Variants in GABRB1 observed in about 807,000 individuals in gnomAD.
The protein encoded by GABRB1 is gamma-aminobutyric acid type A receptor subunit beta1.
Under a neutral mutation model 51.6 loss-of-function variants are expected in GABRB1, and 17 were observed. The ratio of observed to expected loss-of-function variants is 0.33; its 90% confidence interval spans 0.23 to 0.49. The LOEUF (loss-of-function observed/expected upper bound fraction) is 0.49, where lower values mean the gene tolerates loss of function less well. Among genes scored for constraint, GABRB1 ranks in the 20% least tolerant of loss-of-function variants. The pLI, the probability that GABRB1 is intolerant of heterozygous loss-of-function variation, is 0.99. For synonymous variants in GABRB1, 247 were observed against 218.9 expected (o/e 1.13, Z -1.14); for missense variants, 410 against 600.6 (o/e 0.68, Z 3.32).
chr4:47,352,398 C>T (rs1481190582), intron 5 of GABRB1, among the ~76,000 whole-genome samples: 2 of 152,128 alleles, frequency 1.3e-5, no homozygotes, highest in Non-Finnish European at 2.9e-5. Flanking sequence ...AAGAGAGAAT[C>T]CTCCCGAACT....
intron 3 of GABRB1, among the ~76,000 whole-genome samples, chr4:47,138,710 T>C (rs1479429540): frequency 6.6e-6 from 1 of 152,056 alleles, no homozygotes; most frequent in Non-Finnish European, 1.5e-5. Flanking sequence ...TGCATAACCA[T>C]AGACCCAGAG....
intron 1 of GABRB1, among the ~76,000 whole-genome samples, chr4:47,004,383 G>A (rs985985293): frequency 6.6e-6 from 1 of 152,150 alleles, no homozygotes; most frequent in African/African-American, 2.4e-5. Context: ...AGACACTTAT[G>A]TCAAGATTAT....
chr4:47,322,349 T>G (rs1012978315), intron 5 of GABRB1, among the ~76,000 whole-genome samples: 1 of 152,182 alleles, frequency 6.6e-6, no homozygotes, highest in Admixed American at 6.5e-5. Flanking sequence ...ATCCAGCAGC[T>G]GGTCACAGAA....
chr4:47,076,833 T>C (rs1349899844), intron 3 of GABRB1, among the ~76,000 whole-genome samples: 1 of 152,114 alleles, frequency 6.6e-6, no homozygotes, highest in Non-Finnish European at 1.5e-5. Context: ...CCGAGCACAC[T>C]CCCATAATAA....
At chr4:47,404,782 A>G (rs1385846643) in intron 7 of GABRB1, among the ~76,000 whole-genome samples, 2 of 152,188 alleles carry the variant, frequency 1.3e-5, no homozygotes, top group Non-Finnish European at 2.9e-5. Flanking sequence ...TTACTTGAAC[A>G]TGAGTATTGT....
chr4:47,086,326 T>C (rs1728058790), intron 3 of GABRB1, among the ~76,000 whole-genome samples: 1 of 152,200 alleles, frequency 6.6e-6, no homozygotes, highest in Admixed American at 6.5e-5. Context: ...ATTTCTTATT[T>C]AAGAGTTTTT....
chr4:47,218,295 C>T (rs1159885200), intron 4 of GABRB1, among the ~76,000 whole-genome samples: 1 of 151,798 alleles, frequency 6.6e-6, no homozygotes, highest in Non-Finnish European at 1.5e-5. Flanking sequence ...CTGCAATGAA[C>T]ATGAGGGTGC....
chr4:47,076,037 A>G (rs1262868804), intron 3 of GABRB1, among the ~76,000 whole-genome samples: 3 of 152,164 alleles, frequency 2.0e-5, no homozygotes. Context: ...CTGAGTATTC[A>G]CCAAGCCATA....
chr4:47,314,752 T>A (rs549653991), intron 4 of GABRB1, among the ~76,000 whole-genome samples: 52 of 152,082 alleles, frequency 3.4e-4, no homozygotes, highest in African/African-American at 1.2e-3. Flanking sequence ...ATCCAGAAGA[T>A]TGAAATTACA....
intron 5 of GABRB1, among the ~76,000 whole-genome samples, chr4:47,357,811 C>T (rs1185594184): frequency 6.6e-6 from 1 of 152,170 alleles, no homozygotes; most frequent in Non-Finnish European, 1.5e-5. Context: ...CTCTGATGTT[C>T]TCAGTGATTC....
chr4:47,270,519 G>T (rs1285924099), intron 4 of GABRB1, among the ~76,000 whole-genome samples: 1 of 152,148 alleles, frequency 6.6e-6, no homozygotes, highest in African/African-American at 2.4e-5. Flanking sequence ...GTTGTGGAGT[G>T]GGGAGGGAAA....
At chr4:47,412,654 C>T (rs902816544) in intron 8 of GABRB1, among the ~76,000 whole-genome samples, 2 of 151,978 alleles carry the variant, frequency 1.3e-5, no homozygotes, top group South Asian at 2.1e-4. Flanking sequence ...ATCAAGGATG[C>T]GGTCACATAA....
intron 5 of GABRB1, among the ~76,000 whole-genome samples, chr4:47,382,010 G>A (rs1727615520): frequency 6.6e-6 from 1 of 152,202 alleles, no homozygotes; most frequent in South Asian, 2.1e-4. Flanking sequence ...TAGGGATAAG[G>A]TGCTTGGATT....
intron 3 of GABRB1, among the ~76,000 whole-genome samples, chr4:47,130,079 C>T (rs1716340542): frequency 6.6e-6 from 1 of 152,124 alleles, no homozygotes; most frequent in African/African-American, 2.4e-5. Flanking sequence ...ATGATTATTT[C>T]TGGCAATAAT....
chr4:47,242,606 G>T (rs1721569500), intron 4 of GABRB1, among the ~76,000 whole-genome samples: 1 of 152,182 alleles, frequency 6.6e-6, no homozygotes. Context: ...GTATCTCATT[G>T]TGGTTTTGAT....
intron 3 of GABRB1, among the ~76,000 whole-genome samples, chr4:47,050,652 T>G (rs1465696591): frequency 2.0e-5 from 3 of 152,214 alleles, no homozygotes; most frequent in Admixed American, 6.5e-5. Context: ...CATTCAACAC[T>G]GTGAGATAGC....
At chr4:47,062,212 G>A (rs529270297) in intron 3 of GABRB1, among the ~76,000 whole-genome samples, 11 of 151,994 alleles carry the variant, frequency 7.2e-5, no homozygotes, top group East Asian at 1.9e-4. Context: ...AAATCAGACA[G>A]GGTCATTTTC....
intron 5 of GABRB1, among the ~76,000 whole-genome samples, chr4:47,351,406 G>T (rs1210500371): frequency 6.6e-6 from 1 of 151,890 alleles, no homozygotes; most frequent in Non-Finnish European, 1.5e-5. Context: ...TAGAATTTTG[G>T]TTTCTTTTTA....
chr4:46,994,106 A>C (rs1723891491), intron 1 of GABRB1: 1 of 152,260 alleles, frequency 6.6e-6, no homozygotes. Flanking sequence ...AGAGCAATGA[A>C]AGCAGAAAGA....
Sources: allele counts gnomAD v4.1 joint callset (sites outside exome capture counted in the v4.1 genomes callset), GRCh38; gene constraint gnomAD v4.1.1; transcripts MANE v1.5; gene names NCBI Gene and HGNC (gene_info 2026-07-23, HGNC 2026-07-21).